BCL2: variants seen among roughly 807,000 people sequenced by gnomAD.
BCL2 encodes the protein apoptosis regulator Bcl-2.
A neutral mutation model predicts 14.2 loss-of-function variants in BCL2; 1 was observed. That is an observed-to-expected ratio of 0.07 (90% CI 0.02 to 0.33). BCL2 has a LOEUF of 0.33. Ranked by LOEUF, BCL2 falls within the 10% of genes least tolerant of loss-of-function variation. The pLI is 0.99. For missense variants in BCL2, 247 were observed against 305.9 expected (o/e 0.81, Z 1.44); for synonymous variants, 151 against 137.2 (o/e 1.10, Z -0.70).
In BCL2 at chr18:63,125,370, G is replaced by A; in HGVS notation, c.*3255C>T. ...CCAAATCTTCGGAGACGACCCGATG[G>A]CCATAGACCCTGTCAGCTGTCATTC... is the stretch of plus-strand genomic sequence containing the variant. On this transcript the variant is annotated 3_prime_UTR_variant, in exon 3 of 3. Coordinates refer to ENST00000333681, the MANE Select transcript of BCL2 (RefSeq NM_000633.3). The A allele has an allele frequency of 4.5e-6, 1 of 224,580 alleles. No homozygotes were observed. The highest frequency in any genetic ancestry group is 8.9e-6 in the Non-Finnish European group (1 of 112,416). The allele number at this position is 224,580 out of a possible 1,614,324, so 13.9% of individuals were successfully genotyped here. A position where few individuals can be genotyped will look rare whatever the true frequency, so the allele number is the denominator to read the frequency against.
rs112025472 is a variant in BCL2 at position 63,230,304 on chromosome 18, G to A, written c.585+87778C>T. Among the ~76,000 whole-genome samples the A allele has an allele frequency of 9.7e-3, 1,476 of 152,126 alleles. 29 individuals carry two copies. Among genetic ancestry groups the A allele is most frequent in the African/African-American group, 0.034 (1,403 of 41,522 alleles). ...TCAAAATGAAAGTAAAACATATTTAGGACTGAACAACTGAAGCCCTAAATT... is the reference window on the plus strand; with the variant it reads ...TCAAAATGAAAGTAAAACATATTTAAGACTGAACAACTGAAGCCCTAAATT... On this transcript the variant is annotated intron_variant, in intron 2 of 2. Coordinates refer to ENST00000333681, the MANE Select transcript of BCL2 (RefSeq NM_000633.3).
chr18:63,148,088 T>C (rs2144604626), intron 2 of BCL2, among the ~76,000 whole-genome samples: 1 of 152,318 alleles, frequency 6.6e-6, no homozygotes, highest in East Asian at 1.9e-4. Context: ...TTCAGAAGAT[T>C]GTTGAACTGC....
intron 2 of BCL2, among the ~76,000 whole-genome samples, chr18:63,265,818 G>T (rs558626906): frequency 1.4e-3 from 219 of 152,102 alleles, no homozygotes; most frequent in African/African-American, 5.0e-3. Flanking sequence ...AGAAAATCAA[G>T]ATAGTTCATA....
At chr18:63,169,389 T>TTCTTTCTC (rs1218834455) in intron 2 of BCL2, among the ~76,000 whole-genome samples, 15 of 40,772 alleles carry the variant, frequency 3.7e-4, no homozygotes, top group South Asian at 1.7e-3. Flanking sequence ...CTTTCTTTCT[T>TTCTTTCTC]TTTCTTTCTT....
At chr18:63,252,097 A>G (rs9807663) in intron 2 of BCL2, among the ~76,000 whole-genome samples, 1 of 152,128 alleles carries the variant, frequency 6.6e-6, no homozygotes, top group Non-Finnish European at 1.5e-5. Flanking sequence ...CAAGGATAGA[A>G]TTATGTCTCT....
chr18:63,159,222 G>A (rs770995637), intron 2 of BCL2, among the ~76,000 whole-genome samples: 17 of 152,082 alleles, frequency 1.1e-4, no homozygotes, highest in Non-Finnish European at 2.2e-4. Context: ...ATCTACAAAC[G>A]TGCAAACCGA....
At chr18:63,285,807 T>C (rs1279575852) in intron 2 of BCL2, among the ~76,000 whole-genome samples, 3 of 152,172 alleles carry the variant, frequency 2.0e-5, no homozygotes, top group Non-Finnish European at 4.4e-5. Context: ...GTACTAGAAG[T>C]GCATCTCACT....
At chr18:63,178,716 G>A (rs1915407881) in intron 2 of BCL2, among the ~76,000 whole-genome samples, 2 of 151,932 alleles carry the variant, frequency 1.3e-5, no homozygotes. Context: ...GGGCCCCAGG[G>A]GACAAACAGA....
At chr18:63,200,518 G>A (rs775302906) in intron 2 of BCL2, among the ~76,000 whole-genome samples, 8 of 152,056 alleles carry the variant, frequency 5.3e-5, no homozygotes, top group Non-Finnish European at 1.2e-4. Flanking sequence ...ATCTTTGAAG[G>A]GACTGGCAAA....
At chr18:63,258,357 G>C (rs1354859005) in intron 2 of BCL2, among the ~76,000 whole-genome samples, 2 of 152,186 alleles carry the variant, frequency 1.3e-5, no homozygotes, top group African/African-American at 4.8e-5. Context: ...TTAAAGATAT[G>C]AAGGTAGCCA....
intron 2 of BCL2, among the ~76,000 whole-genome samples, chr18:63,225,561 G>A (rs1181551760): frequency 6.6e-6 from 1 of 152,198 alleles, no homozygotes; most frequent in Non-Finnish European, 1.5e-5. Flanking sequence ...GCACAAGGAT[G>A]TTTATGGCCA....
At chr18:63,162,256 C>T (rs1914938496) in intron 2 of BCL2, among the ~76,000 whole-genome samples, 1 of 152,002 alleles carries the variant, frequency 6.6e-6, no homozygotes, top group Admixed American at 6.6e-5. Flanking sequence ...CGATGATGAC[C>T]CATATAAACA....
At chr18:63,319,026 C>A in intron 1 of BCL2, 74 bp from the exon 2 acceptor site, 6 of 1,154,622 alleles carry the variant, frequency 5.2e-6, no homozygotes, top group Non-Finnish European at 6.4e-6. Flanking sequence ...TGAGTGAAAG[C>A]AGGGCATACA....
chr18:63,163,882 C>T (rs1433275667), intron 2 of BCL2, among the ~76,000 whole-genome samples: 1 of 152,234 alleles, frequency 6.6e-6, no homozygotes, highest in Non-Finnish European at 1.5e-5. Flanking sequence ...CAATCAGACT[C>T]TTCAGAGTCT....
At chr18:63,231,761 C>T (rs1480622217) in intron 2 of BCL2, among the ~76,000 whole-genome samples, 1 of 151,980 alleles carries the variant, frequency 6.6e-6, no homozygotes, top group East Asian at 1.9e-4. Context: ...AACATCAAAT[C>T]CCCTAAAATT....
At chr18:63,260,085 G>A (rs1315247727) in intron 2 of BCL2, among the ~76,000 whole-genome samples, 1 of 151,996 alleles carries the variant, frequency 6.6e-6, no homozygotes, top group Non-Finnish European at 1.5e-5. Flanking sequence ...GAACACGTCT[G>A]GCTACTTTTC....
intron 2 of BCL2, among the ~76,000 whole-genome samples, chr18:63,257,958 T>C (rs1013013825): frequency 6.6e-6 from 1 of 152,160 alleles, no homozygotes; most frequent in African/African-American, 2.4e-5. Flanking sequence ...TCAAAAGATA[T>C]GTTCAAGTCC....
chr18:63,247,222 G>C (rs1031147636), intron 2 of BCL2, among the ~76,000 whole-genome samples: 3 of 148,000 alleles, frequency 2.0e-5, no homozygotes, highest in African/African-American at 5.0e-5. Flanking sequence ...TTTTTGAGAC[G>C]AAGTTTTATT....
intron 2 of BCL2, among the ~76,000 whole-genome samples, chr18:63,211,125 C>A (rs558440265): frequency 3.3e-4 from 41 of 122,496 alleles, no homozygotes; most frequent in African/African-American, 1.3e-3. Flanking sequence ...GGCTGGAGTG[C>A]AGTGGTGCGA....
Sources: gnomAD v4.1 joint callset for allele counts (sites outside exome capture counted in the v4.1 genomes callset) on GRCh38, gnomAD v4.1.1 for gene constraint, MANE v1.5 for transcripts, NCBI Gene and HGNC (gene_info 2026-07-23, HGNC 2026-07-21) for gene names.